USP10: variants seen among roughly 807,000 people sequenced by gnomAD.
The protein encoded by USP10 is ubiquitin carboxyl-terminal hydrolase 10.
In USP10, 22 loss-of-function variants were observed where a neutral mutation model predicts 84.5. The observed-to-expected ratio is 0.26, with a 90% CI of 0.19 to 0.37. The LOEUF (loss-of-function observed/expected upper bound fraction) is 0.37. USP10 is among the 10% of genes least tolerant of loss of function. The pLI, the probability that USP10 is intolerant of heterozygous loss-of-function variation, is 1.00. For synonymous variants in USP10, 454 were observed against 387.6 expected (o/e 1.17, Z -2.01); for missense variants, 1,019 against 998.9 (o/e 1.02, Z -0.27).
chr16:84,757,406 T>TGG (rs1912706722), intron 4 of USP10, among the ~76,000 whole-genome samples: 4 of 49,098 alleles, frequency 8.1e-5, no homozygotes, highest in Non-Finnish European at 2.5e-4. Flanking sequence ...GGTGGGGGTG[T>TGG]GTGTGTGTGT....
At chr16:84,723,307 C>T (rs1002564634) in intron 1 of USP10, among the ~76,000 whole-genome samples, 1 of 151,862 alleles carries the variant, frequency 6.6e-6, no homozygotes, top group Non-Finnish European at 1.5e-5. Context: ...AATTCACTTA[C>T]GTTGAATAAG....
At chr16:84,742,513 A>G (rs967889812) in intron 3 of USP10, among the ~76,000 whole-genome samples, 1 of 152,138 alleles carries the variant, frequency 6.6e-6, no homozygotes, top group Non-Finnish European at 1.5e-5. Context: ...AGTCCTCTCT[A>G]CTGCATGTAC....
intron 1 of USP10, among the ~76,000 whole-genome samples, chr16:84,731,244 G>A (rs1462308486): frequency 1.3e-5 from 2 of 150,996 alleles, no homozygotes; most frequent in East Asian, 1.9e-4. Flanking sequence ...CTCCCAGAGT[G>A]CTGGGATTAC....
intron 10 of USP10, 33 bp downstream of exon 10, chr16:84,764,296 C>G: frequency 6.2e-7 from 1 of 1,613,532 alleles, no homozygotes; most frequent in African/African-American, 1.3e-5. Flanking sequence ...TTAATATTTG[C>G]CTTTTCTAGG....
At chr16:84,772,210 C>G (rs1240475437) in intron 11 of USP10, among the ~76,000 whole-genome samples, 1 of 152,098 alleles carries the variant, frequency 6.6e-6, no homozygotes, top group Non-Finnish European at 1.5e-5. Context: ...CACCACCACG[C>G]CTGGCTAATT....
chr16:84,748,335 ACT>A (rs1175598487), intron 4 of USP10, among the ~76,000 whole-genome samples: 1 of 151,740 alleles, frequency 6.6e-6, no homozygotes, highest in African/African-American at 2.4e-5. Context: ...AGGGGGTCTC[ACT>A]CTGTCGCCCA....
At position 84,726,426 on chromosome 16, in the gene USP10, T is replaced by C. The variant is rs145332714; in HGVS notation, c.22-7009T>C. 4.1e-4 allele frequency among the ~76,000 whole-genome samples: 62 copies of C among 152,324 alleles called. 1 individual carries two copies. The East Asian group carries it at 0.012, about 29-fold the overall frequency. On this transcript the variant is annotated intron_variant, in intron 1 of 13. Transcript: ENST00000219473. Reference sequence around the variant, plus strand: ...TTTTTCCTTTAGCAGGAACACTGGTTTTCCCACTTCGTCTAAACCTTTGCC... The same window carrying C: ...TTTTTCCTTTAGCAGGAACACTGGTCTTCCCACTTCGTCTAAACCTTTGCC...
chr16:84,730,789 A>G (rs1460122386), intron 1 of USP10, among the ~76,000 whole-genome samples: 1 of 152,196 alleles, frequency 6.6e-6, no homozygotes. Context: ...GCTTAGAAGT[A>G]TGATTTAAAT....
intron 1 of USP10, among the ~76,000 whole-genome samples, chr16:84,723,767 A>G (rs375916501): frequency 1.3e-5 from 2 of 152,346 alleles, no homozygotes; most frequent in Non-Finnish European, 1.5e-5. Flanking sequence ...TCACCCATTT[A>G]AAGTGTATAT....
At chr16:84,737,303 T>C (rs1410038896) in intron 2 of USP10, among the ~76,000 whole-genome samples, 4 of 152,260 alleles carry the variant, frequency 2.6e-5, no homozygotes, top group Admixed American at 2.0e-4. Flanking sequence ...TTTCCCTTGC[T>C]CACTTTGCAT....
intron 1 of USP10, among the ~76,000 whole-genome samples, chr16:84,726,660 G>C (rs910184387): frequency 9.2e-5 from 14 of 152,246 alleles, no homozygotes; most frequent in African/African-American, 2.9e-4. Flanking sequence ...GGATCAGAAA[G>C]TAAAGATGTG....
In USP10 at chr16:84,745,766, G is replaced by C. The variant is rs1182162076; in HGVS notation, c.1192+93G>C. On this transcript the variant is annotated intron_variant, in intron 4 of 13. Coordinates refer to ENST00000219473, the MANE Select transcript of USP10 (RefSeq NM_005153.3). ...TGTGGTGTTACCCATAACAATGGCA[G>C]ATTACCTGTGTGTTAATAGCAACGT... 5 of 1,315,742 alleles carry C rather than the reference G, an allele frequency of 3.8e-6. No homozygotes were observed. The East Asian group carries it at 1.3e-4, about 33-fold the overall frequency. The allele number at this position is 1,315,742 out of a possible 1,614,324, so 81.5% of individuals were successfully genotyped here.
chr16:84,747,119 C>A (rs186694064), intron 4 of USP10, among the ~76,000 whole-genome samples: 17 of 152,274 alleles, frequency 1.1e-4, no homozygotes, highest in African/African-American at 4.1e-4. Context: ...AAATGTTACG[C>A]CGCGCGTGAC....
chr16:84,765,255 TTGTG>T (rs10571112), intron 10 of USP10, among the ~76,000 whole-genome samples: 1 of 151,520 alleles, frequency 6.6e-6, no homozygotes. Flanking sequence ...ACAGTTACCC[TTGTG>T]TGTGTGTGTG....
chr16:84,721,425 A>G (rs1279554711), intron 1 of USP10, among the ~76,000 whole-genome samples: 1 of 152,262 alleles, frequency 6.6e-6, no homozygotes, highest in Non-Finnish European at 1.5e-5. Flanking sequence ...GTACTGCTTC[A>G]TCTGCTTTAC....
intron 1 of USP10, among the ~76,000 whole-genome samples, chr16:84,702,136 A>C (rs1382491919): frequency 7.5e-6 from 1 of 133,938 alleles, no homozygotes; most frequent in Non-Finnish European, 1.5e-5. Flanking sequence ...GGCCCACTGC[A>C]ACCTCTGCCT....
intron 13 of USP10, among the ~76,000 whole-genome samples, chr16:84,776,200 G>A (rs1003065859): frequency 6.6e-6 from 1 of 152,208 alleles, no homozygotes; most frequent in African/African-American, 2.4e-5. Context: ...GCCTGCAGTG[G>A]CAGAGCAGGG....
chr16:84,762,911 C>A (rs543465778), intron 8 of USP10, 78 bp from the exon 9 acceptor site: 5 of 814,972 alleles, frequency 6.1e-6, no homozygotes, highest in South Asian at 3.8e-5. Flanking sequence ...CATGGTTGGA[C>A]TTTGCAAGTA....
intron 3 of USP10, among the ~76,000 whole-genome samples, chr16:84,741,868 A>T (rs959529273): frequency 1.3e-5 from 2 of 152,130 alleles, no homozygotes; most frequent in East Asian, 3.9e-4. Context: ...TCAGCTGCTG[A>T]TGGCAGGATC....
Sources: gnomAD v4.1 joint callset for allele counts (sites outside exome capture counted in the v4.1 genomes callset) on GRCh38, gnomAD v4.1.1 for gene constraint, MANE v1.5 for transcripts, NCBI Gene and HGNC (gene_info 2026-07-23, HGNC 2026-07-21) for gene names.